The following KCNH7 variants were observed in gnomAD, a reference collection of about 807,000 sequenced individuals.
KCNH7 encodes potassium voltage-gated channel subfamily H member 7.
In KCNH7, 49 loss-of-function variants were observed where a neutral mutation model predicts 120.8. That is an observed-to-expected ratio of 0.41 (90% confidence interval 0.32 to 0.51). KCNH7 has a LOEUF of 0.51. Ranked by LOEUF, KCNH7 falls within the 20% of genes least tolerant of loss-of-function variation. KCNH7 has a pLI of 0.38. For missense variants in KCNH7, 1,097 were observed against 1,446.6 expected, an observed-to-expected ratio of 0.76 and a Z score of 3.92; for synonymous variants, 547 against 516.1, an observed-to-expected ratio of 1.06 and a Z score of -0.81.
chr2:162,632,649 G>A (rs909521092), intron 2 of KCNH7, among the ~76,000 whole-genome samples: 1 of 151,562 alleles, frequency 6.6e-6, no homozygotes, highest in Admixed American at 6.6e-5. Flanking sequence ...TTCCATAATC[G>A]ATCAATGGAA....
At chr2:162,722,851 A>C (rs1275342978) in intron 2 of KCNH7, among the ~76,000 whole-genome samples, 2 of 87,684 alleles carry the variant, frequency 2.3e-5, no homozygotes, top group Non-Finnish European at 3.9e-5. Flanking sequence ...AGTAATTTCC[A>C]ATGATCTGTC....
chr2:162,479,688 T>C (rs1388233894), intron 6 of KCNH7, among the ~76,000 whole-genome samples: 1 of 151,694 alleles, frequency 6.6e-6, no homozygotes, highest in Non-Finnish European at 1.5e-5. Context: ...TGTGTGTGTG[T>C]GTGTGTGTGT....
chr2:162,545,153 A>C (rs1414490355), intron 2 of KCNH7, among the ~76,000 whole-genome samples: 1 of 152,138 alleles, frequency 6.6e-6, no homozygotes, highest in Non-Finnish European at 1.5e-5. Context: ...ATGTTAACAG[A>C]TATTACTGGA....
intron 2 of KCNH7, among the ~76,000 whole-genome samples, chr2:162,571,574 G>A (rs1693476765): frequency 6.7e-6 from 1 of 148,878 alleles, no homozygotes; most frequent in African/African-American, 2.5e-5. Flanking sequence ...CCAAAAAAGA[G>A]CCTGCATCGC....
intron 2 of KCNH7, among the ~76,000 whole-genome samples, chr2:162,550,983 A>G (rs1190435258): frequency 6.6e-6 from 1 of 152,098 alleles, no homozygotes; most frequent in Non-Finnish European, 1.5e-5. Context: ...TTGGTGTCAG[A>G]TATTTGGAGA....
At chr2:162,669,929 G>A (rs1489241878) in intron 2 of KCNH7, among the ~76,000 whole-genome samples, 5 of 151,236 alleles carry the variant, frequency 3.3e-5, no homozygotes, top group East Asian at 2.0e-4. Flanking sequence ...GTGAAACCCT[G>A]TCTCTACTAA....
intron 11 of KCNH7, among the ~76,000 whole-genome samples, chr2:162,395,125 T>C (rs569130174): frequency 6.6e-6 from 1 of 151,954 alleles, no homozygotes; most frequent in South Asian, 2.1e-4. Flanking sequence ...CATTGACTGA[T>C]TACATTATTG....
At chr2:162,400,099 C>A in intron 10 of KCNH7, 90 bp downstream of exon 10, 1 of 1,374,726 alleles carries the variant, frequency 7.3e-7, no homozygotes, top group East Asian at 2.3e-5. Context: ...CTTATGAATA[C>A]ATACATCAGT....
intron 2 of KCNH7, among the ~76,000 whole-genome samples, chr2:162,687,289 A>T (rs915097946): frequency 6.6e-6 from 1 of 152,100 alleles, no homozygotes; most frequent in Non-Finnish European, 1.5e-5. Context: ...AGTGGTTCAG[A>T]CTAGTTCACA....
At chr2:162,721,478 C>T (rs1349128535) in intron 2 of KCNH7, among the ~76,000 whole-genome samples, 2 of 152,080 alleles carry the variant, frequency 1.3e-5, no homozygotes, top group African/African-American at 2.4e-5. Flanking sequence ...CTTCCAGTCA[C>T]ATTGCAGTCT....
rs548535411 is a variant in KCNH7 at position 162,462,896 on chromosome 2, A to G, written c.1129-16453T>C. Among the ~76,000 whole-genome samples the G allele has an allele frequency of 8.5e-5, 13 of 152,220 alleles. No homozygotes were observed. The South Asian group carries it at 1.2e-3, about 15-fold the overall frequency. ...ATACATAATTATTATTTGTGACTTTAAAATAAAATTAAACTTAAACAAAAG... is the reference window on the plus strand; with the variant it reads ...ATACATAATTATTATTTGTGACTTTGAAATAAAATTAAACTTAAACAAAAG... On this transcript the variant is annotated intron_variant, in intron 6 of 15. Transcript: ENST00000332142.
intron 2 of KCNH7, among the ~76,000 whole-genome samples, chr2:162,833,543 A>G (rs1295101401): frequency 6.6e-6 from 1 of 152,204 alleles, no homozygotes; most frequent in Non-Finnish European, 1.5e-5. Flanking sequence ...GATTTATGCA[A>G]TAATGACTTA....
intron 14 of KCNH7, among the ~76,000 whole-genome samples, chr2:162,376,949 T>C (rs1686216235): frequency 6.6e-6 from 1 of 152,176 alleles, no homozygotes; most frequent in African/African-American, 2.4e-5. Flanking sequence ...AAAGAAGTGG[T>C]AGCAAGGACC....
chr2:162,417,281 A>G (rs1687569580), intron 9 of KCNH7, among the ~76,000 whole-genome samples: 1 of 152,190 alleles, frequency 6.6e-6, no homozygotes, highest in Non-Finnish European at 1.5e-5. Flanking sequence ...TCATATTTCC[A>G]AAGAATCTGT....
intron 6 of KCNH7, among the ~76,000 whole-genome samples, chr2:162,492,178 A>G (rs560929356): frequency 4.7e-4 from 71 of 152,308 alleles, no homozygotes; most frequent in African/African-American, 1.5e-3. Context: ...GATTAATGGA[A>G]AAAAGGATTT....
intron 2 of KCNH7, among the ~76,000 whole-genome samples, chr2:162,640,155 C>T (rs1312625149): frequency 6.6e-6 from 1 of 152,126 alleles, no homozygotes; most frequent in Non-Finnish European, 1.5e-5. Flanking sequence ...CAATTCTTAT[C>T]AAGATCCCAG....
At chr2:162,660,924 T>A (rs1050390188) in intron 2 of KCNH7, among the ~76,000 whole-genome samples, 8 of 152,190 alleles carry the variant, frequency 5.3e-5, no homozygotes, top group African/African-American at 9.6e-5. Flanking sequence ...CCCAGTATTG[T>A]CTCCTCTATA....
At chr2:162,654,132 C>T (rs1209521239) in intron 2 of KCNH7, among the ~76,000 whole-genome samples, 1 of 143,180 alleles carries the variant, frequency 7.0e-6, no homozygotes, top group Non-Finnish European at 1.5e-5. Flanking sequence ...CAAACAAAAG[C>T]AAAAATAGAA....
At chr2:162,651,857 C>T (rs1473120360) in intron 2 of KCNH7, among the ~76,000 whole-genome samples, 1 of 152,176 alleles carries the variant, frequency 6.6e-6, no homozygotes, top group Non-Finnish European at 1.5e-5. Flanking sequence ...GCATCCTCAC[C>T]AGCATCTGCT....
Sources: allele counts gnomAD v4.1 joint callset (sites outside exome capture counted in the v4.1 genomes callset), GRCh38; gene constraint gnomAD v4.1.1; transcripts MANE v1.5; gene names NCBI Gene and HGNC (gene_info 2026-07-23, HGNC 2026-07-21).